Variants in NSD1 observed in about 807,000 individuals in gnomAD.
NSD1 encodes the protein histone-lysine N-methyltransferase, H3 lysine-36 specific.
Under a neutral mutation model 242.7 loss-of-function variants are expected in NSD1, and 26 were observed. The ratio of observed to expected loss-of-function variants is 0.11; its 90% confidence interval spans 0.08 to 0.15. The LOEUF is 0.15. NSD1 is among the 10% of genes least tolerant of loss of function. The pLI is 1.00. For missense variants in NSD1, 2,495 were observed against 3,272.8 expected, an observed-to-expected ratio of 0.76 and a Z score of 5.80; for synonymous variants, 1,106 against 1,178.1, an observed-to-expected ratio of 0.94 and a Z score of 1.25.
intron 5 of NSD1, among the ~76,000 whole-genome samples, chr5:177,220,563 C>G (rs1423728477): frequency 1.2e-5 from 1 of 84,354 alleles, no homozygotes; most frequent in Non-Finnish European, 2.3e-5. Context: ...ATAGTAATTG[C>G]TTTTTTTTTT....
At chr5:177,247,140 T>A (rs778848181) in intron 10 of NSD1, among the ~76,000 whole-genome samples, 2 of 152,178 alleles carry the variant, frequency 1.3e-5, no homozygotes, top group Non-Finnish European at 2.9e-5. Flanking sequence ...CCTATAAAAG[T>A]TGAGACTGGC....
At chr5:177,215,339 G>A (rs879307940) in intron 5 of NSD1, among the ~76,000 whole-genome samples, 9 of 151,674 alleles carry the variant, frequency 5.9e-5, no homozygotes, top group African/African-American at 1.5e-4. Flanking sequence ...ACCACGCCTA[G>A]CTAACTTTGT....
chr5:177,143,821 C>T (rs1475232048), intron 2 of NSD1, among the ~76,000 whole-genome samples: 1 of 138,802 alleles, frequency 7.2e-6, no homozygotes, highest in Non-Finnish European at 1.5e-5. Context: ...GAGTCTCTAT[C>T]GCCCAGGCTG....
intron 16 of NSD1, among the ~76,000 whole-genome samples, chr5:177,272,302 A>C (rs1455834162): frequency 6.6e-6 from 1 of 152,078 alleles, no homozygotes; most frequent in East Asian, 1.9e-4. Flanking sequence ...CATTTTAGGA[A>C]AATTTAGATG....
chr5:177,265,646 C>T (rs1458544862), intron 14 of NSD1: 20 of 1,605,052 alleles, frequency 1.2e-5, no homozygotes, highest in Non-Finnish European at 1.7e-5. Flanking sequence ...GGTGAAGTCC[C>T]GGTCCCAGTT....
chr5:177,210,372 C>G lies in NSD1; in HGVS notation c.1973C>G (p.Ser658Cys). Residue 658 changes from serine (S) to cysteine (C), a missense_variant, in exon 5 of 23, where the codon TCT becomes TGT. Physicochemically the swap from Ser to Cys is moderately radical, Grantham distance 112. Around this residue, in one of 19 missense-constraint regions of NSD1, gnomAD observed 515 missense variants for 467.0 expected, o/e 1.10. Coordinates refer to ENST00000439151, the MANE Select transcript of NSD1 (RefSeq NM_022455.5). ...DLDPIEHSSE[S>C]DNSVLEIPDA... ...GATCCCATAGAACACAGCTCAGAGT[C>G]TGATAACAGTGTCCTTGAAATTCCA... 1 of 1,614,144 alleles carries G rather than the reference C, an allele frequency of 6.2e-7. No homozygotes were observed. The highest frequency in any genetic ancestry group is 8.5e-7 in the Non-Finnish European group (1 of 1,180,034).
At chr5:177,142,460 C>T (rs776769226) in intron 2 of NSD1, among the ~76,000 whole-genome samples, 4 of 151,962 alleles carry the variant, frequency 2.6e-5, no homozygotes, top group Non-Finnish European at 2.9e-5. Flanking sequence ...GAAGGCATGC[C>T]TAGAATAATC....
intron 2 of NSD1, among the ~76,000 whole-genome samples, chr5:177,186,076 T>C (rs1450084665): frequency 8.5e-6 from 1 of 117,506 alleles, no homozygotes; most frequent in African/African-American, 3.3e-5. Context: ...ATATGTTATA[T>C]ATAATATATT....
intron 20 of NSD1, among the ~76,000 whole-genome samples, chr5:177,287,955 A>G (rs892465986): frequency 2.0e-4 from 31 of 152,270 alleles, no homozygotes; most frequent in African/African-American, 7.5e-4. Flanking sequence ...GTCAGTCTGC[A>G]AAGGGAAATC....
chr5:177,264,213 T>G (rs1049533187), intron 14 of NSD1, among the ~76,000 whole-genome samples: 1 of 151,934 alleles, frequency 6.6e-6, no homozygotes, highest in South Asian at 2.1e-4. Context: ...TTTTTTGTAT[T>G]TTTAGTAGAG....
At chr5:177,149,977 C>A (rs184845693) in intron 2 of NSD1, among the ~76,000 whole-genome samples, 4 of 152,190 alleles carry the variant, frequency 2.6e-5, no homozygotes, top group Admixed American at 2.6e-4. Context: ...TACTCTGTCA[C>A]CCAGGCTAGA....
chr5:177,266,597 G>A (rs1757492821), intron 14 of NSD1: 7 of 659,824 alleles, frequency 1.1e-5, no homozygotes, highest in Admixed American at 3.1e-5. Flanking sequence ...ATCTTCACCC[G>A]CACCTACTCC....
At chr5:177,163,081 A>C (rs766892137) in intron 2 of NSD1, among the ~76,000 whole-genome samples, 19 of 151,920 alleles carry the variant, frequency 1.3e-4, no homozygotes, top group Non-Finnish European at 2.5e-4. Context: ...TGAAATAATT[A>C]GTTAATTTCT....
At chr5:177,152,909 C>G (rs1444337904) in intron 2 of NSD1, among the ~76,000 whole-genome samples, 2 of 151,760 alleles carry the variant, frequency 1.3e-5, no homozygotes, top group East Asian at 3.9e-4. Context: ...TGGTCTCAAA[C>G]TCCTGGCCTC....
rs2127281932 is a variant in NSD1, at chr5:177,294,567, C to T, written c.7199C>T (p.Pro2400Leu). ...CTGCTCATTACTAGCAGTCCCAAAC[C>T]CCAGACTTCAGACAGGCCTACTGAC... ...DRLLITSSPK[P>L]QTSDRPTDKP... The change falls in exon 23 of 23, where the codon CCC (proline) becomes CTC (leucine). Residue 2400 changes from proline (P) to leucine (L), a missense_variant. Physicochemically the swap from Pro to Leu is moderately conservative, Grantham distance 98 (BLOSUM62 -3). Transcript: ENST00000439151. 1 of 1,614,206 alleles carries T rather than the reference C, an allele frequency of 6.2e-7. No homozygotes were observed. Among genetic ancestry groups the T allele is most frequent in the Non-Finnish European group, 8.5e-7 (1 of 1,180,034 alleles).
intron 12 of NSD1, 139 bp from the exon 13 acceptor site, chr5:177,256,812 A>G: frequency 1.4e-6 from 1 of 708,210 alleles, no homozygotes; most frequent in Non-Finnish European, 2.5e-6. Context: ...TTATAATAAT[A>G]CTAAGATTGT....
intron 16 of NSD1, among the ~76,000 whole-genome samples, chr5:177,273,463 T>A (rs1465242775): frequency 1.3e-5 from 2 of 152,218 alleles, no homozygotes; most frequent in Non-Finnish European, 2.9e-5. Context: ...GATTATGTTT[T>A]GTCTTAATAC....
At chr5:177,271,390 T>C (rs936906268) in intron 16 of NSD1, among the ~76,000 whole-genome samples, 1 of 152,192 alleles carries the variant, frequency 6.6e-6, no homozygotes, top group African/African-American at 2.4e-5. Context: ...CTTTAAGTGC[T>C]TATGATAACC....
Position 177,299,068 on chromosome 5 carries a change from A to G in NSD1, c.*3609A>G. 4.3e-6 allele frequency: 1 copy of G among 233,192 alleles called. No individual in the cohort carries two copies. Among genetic ancestry groups the G allele is most frequent in the East Asian group, 6.0e-5 (1 of 16,582 alleles). 14.4% of individuals were successfully genotyped at this position (233,192 alleles called of 1,614,324 possible). On this transcript the variant is annotated 3_prime_UTR_variant, in exon 23 of 23. Transcript: ENST00000439151. Reference sequence around the variant, plus strand: ...TTGGTAGTTGCTGTGGGAGCCTGTCATTGGCTATGGCCAGTTAGTTCTCAG... The same window carrying G: ...TTGGTAGTTGCTGTGGGAGCCTGTCGTTGGCTATGGCCAGTTAGTTCTCAG...
Sources: allele counts gnomAD v4.1 joint callset (sites outside exome capture counted in the v4.1 genomes callset), GRCh38; gene constraint gnomAD v4.1.1; regional missense constraint gnomAD v4.1.1; transcripts MANE v1.5; gene names NCBI Gene and HGNC (gene_info 2026-07-23, HGNC 2026-07-21).